UNC13A: variants seen among roughly 807,000 people sequenced by gnomAD.
The protein encoded by UNC13A is protein unc-13 homolog A.
Under a neutral mutation model 219.7 loss-of-function variants are expected in UNC13A, and 61 were observed. The ratio of observed to expected loss-of-function variants is 0.28; its 90% CI spans 0.23 to 0.34. The LOEUF is 0.34. UNC13A is among the 10% of genes least tolerant of loss of function. UNC13A has a pLI of 1.00. For synonymous variants in UNC13A, 920 were observed against 884.6 expected (o/e 1.04, Z -0.71); for missense variants, 1,476 against 2,270.3 (o/e 0.65, Z 7.11).
Position 17,639,428 on chromosome 19 carries a change from T to C in UNC13A, c.2946+8A>G, listed in dbSNP as rs775560185. On this transcript the variant is annotated splice_region_variant and intron_variant, in intron 24 of 43. Coordinates refer to ENST00000519716, the MANE Select transcript of UNC13A (RefSeq NM_001080421.3). ...TTGGAGAGCAAAGGCAACTGGATCC[T>C]TTCCTACCTTCATCCGAAAGAAGGT... 3.7e-6 allele frequency: 6 copies of C among 1,611,126 alleles called. No individual in the cohort carries two copies. The Admixed American group carries it at 1.0e-4, about 27-fold the overall frequency.
chr19:17,615,055 C>G (rs55681926), intron 41 of UNC13A, among the ~76,000 whole-genome samples: 1 of 152,076 alleles, frequency 6.6e-6, no homozygotes, highest in Non-Finnish European at 1.5e-5. Context: ...TCCAACCCCA[C>G]TCCCCACTCC....
At chr19:17,671,698 T>C (rs1031578838) in intron 4 of UNC13A, among the ~76,000 whole-genome samples, 5 of 151,914 alleles carry the variant, frequency 3.3e-5, no homozygotes, top group African/African-American at 1.2e-4. Flanking sequence ...CACTTGAGCC[T>C]GGGAAGTCGA....
chr19:17,609,444 C>G (rs1405837783), intron 43 of UNC13A, among the ~76,000 whole-genome samples: 1 of 152,080 alleles, frequency 6.6e-6, no homozygotes, highest in Non-Finnish European at 1.5e-5. Flanking sequence ...CTCCTGTCCC[C>G]AGAGCCGACT....
chr19:17,645,876 C>T (rs1207071910), intron 18 of UNC13A, 33 bp from the exon 19 acceptor site: 5 of 1,587,702 alleles, frequency 3.1e-6, no homozygotes, highest in Non-Finnish European at 4.3e-6. Flanking sequence ...AGGCAGGGGT[C>T]AGGCAGCCAG....
In UNC13A at chr19:17,630,677, G is replaced by A. The variant is rs765660923; in HGVS notation, c.3502C>T (p.Leu1168=). The A allele has an allele frequency of 3.1e-6, 5 of 1,613,758 alleles. No individual in the cohort carries two copies. Among genetic ancestry groups the A allele is most frequent in the Non-Finnish European group, 8.5e-7 (1 of 1,179,850 alleles). The change falls in exon 29 of 44, where the codon CTG becomes TTG. Residue 1168 remains leucine, a synonymous_variant. Coordinates refer to ENST00000519716, the MANE Select transcript of UNC13A (RefSeq NM_001080421.3). ...ACCCCATCCTTCTTGTCTCGCTCCA[G>A]GGCACCGTGCAGGAAATCCCGGGAC... The part of the protein sequence containing the change: ...EVSRDFLHGA[L]ERDKKDGFQQ...
intron 3 of UNC13A, 50 bp from the exon 4 acceptor site, chr19:17,672,545 G>T: frequency 2.7e-6 from 4 of 1,500,028 alleles, no homozygotes; most frequent in Non-Finnish European, 3.7e-6. Context: ...GAGGAAACGG[G>T]GGCCCAGGGA....
rs2076489096 is a variant in UNC13A at position 17,603,538 on chromosome 19, T to C, written c.*2516A>G. Reference sequence around the variant, plus strand: ...CCCAACCCTGTATGAGAATTTGCATTTTAACCTTTGGTTCAGAACCTCCAG... The same window carrying C: ...CCCAACCCTGTATGAGAATTTGCATCTTAACCTTTGGTTCAGAACCTCCAG... On this transcript the variant is annotated 3_prime_UTR_variant, in exon 44 of 44. Transcript: ENST00000519716. 1 of 152,254 alleles carries C rather than the reference T, an allele frequency of 6.6e-6. No homozygotes were observed. Among genetic ancestry groups the C allele is most frequent in the Admixed American group, 6.5e-5 (1 of 15,280 alleles). 9.4% of individuals were successfully genotyped at this position (152,254 alleles called of 1,614,324 possible). A position where few individuals can be genotyped will look rare whatever the true frequency, so the allele number is the denominator to read the frequency against.
chr19:17,687,301 TC>T (rs371072423), intron 1 of UNC13A, among the ~76,000 whole-genome samples: 209 of 147,692 alleles, frequency 1.4e-3, no homozygotes, highest in South Asian at 2.6e-3. Flanking sequence ...CCAAAATAGC[TC>T]CCCCCCCACC....
chr19:17,629,543 T>C (rs1382224228), intron 30 of UNC13A, among the ~76,000 whole-genome samples: 1 of 152,134 alleles, frequency 6.6e-6, no homozygotes, highest in Non-Finnish European at 1.5e-5. Flanking sequence ...CCCAGCTCTT[T>C]TTCAGAGCAA....
In UNC13A at chr19:17,604,500, C is replaced by G. The variant is rs1362583886; in HGVS notation, c.*1554G>C. ...CTCTAGTAAGTGGTTCCCTCTCATT[C>G]TTCACCTCGGAAAGCCTCCCCATCT... On this transcript the variant is annotated 3_prime_UTR_variant, in exon 44 of 44. Transcript: ENST00000519716. 6.6e-6 allele frequency: 1 copy of G among 152,318 alleles called. No homozygotes were observed. The highest frequency in any genetic ancestry group is 1.5e-5 in the Non-Finnish European group (1 of 68,122). 9.4% of individuals were successfully genotyped at this position (152,318 alleles called of 1,614,324 possible). A position where few individuals can be genotyped will look rare whatever the true frequency, so the allele number is the denominator to read the frequency against.
Position 17,641,399 on chromosome 19 carries a change from G to A in UNC13A, c.2630C>T (p.Ala877Val). The change falls in exon 21 of 44, where the codon GCC (alanine) becomes GTC (valine). Residue 877 changes from alanine (A) to valine (V), a missense_variant. By Grantham distance (64) the Ala-to-Val change is moderately conservative (BLOSUM62 0). Around this residue, in one of 14 missense-constraint regions of UNC13A, gnomAD observed 140 missense variants for 270.9 expected, o/e 0.52. Coordinates refer to ENST00000519716, the MANE Select transcript of UNC13A (RefSeq NM_001080421.3). Reference protein sequence around the residue: ...MRYGVESIYQAMTHFACLSSK... With the variant: ...MRYGVESIYQVMTHFACLSSK... ...CCCCAGCCTGCAGTCTCACGTCATG[G>A]CTTGGTAGATGGACTCGACGCCGTA... is the stretch of plus-strand genomic sequence containing the variant. 6.2e-7 allele frequency: 1 copy of A among 1,613,850 alleles called. No individual in the cohort carries two copies. Among genetic ancestry groups the A allele is most frequent in the Non-Finnish European group, 8.5e-7 (1 of 1,179,874 alleles).
At chr19:17,629,917 TAACCC>T (rs368864354) in intron 30 of UNC13A, among the ~76,000 whole-genome samples, 11 of 119,078 alleles carry the variant, frequency 9.2e-5, no homozygotes, top group African/African-American at 3.2e-4. Flanking sequence ...ATTTAAACCC[TAACCC>T]CAACTCCAAC....
At chr19:17,626,572 G>A in intron 34 of UNC13A, 61 bp downstream of exon 34, 1 of 1,454,846 alleles carries the variant, frequency 6.9e-7, no homozygotes, top group South Asian at 1.4e-5. Flanking sequence ...CCAGTCCCTG[G>A]GTCTCTATGG....
chr19:17,672,256 CAA>C (rs2079803260), intron 4 of UNC13A, 120 bp downstream of exon 4: 2 of 791,028 alleles, frequency 2.5e-6, no homozygotes, highest in Admixed American at 2.4e-5. Flanking sequence ...GTGGCAATCC[CAA>C]GTGTCTACAT....
intron 35 of UNC13A, 58 bp from the exon 36 acceptor site, chr19:17,623,605 C>G: frequency 1.0e-6 from 1 of 975,602 alleles, no homozygotes; most frequent in South Asian, 1.9e-5. Flanking sequence ...TACCATGAGT[C>G]TCCCGGGAAG....
rs1028141420 is a variant in UNC13A, at chr19:17,617,820, G to C, written c.4440C>G (p.Leu1480=). Reference sequence around the variant, plus strand: ...GGCTCTTCTCCAGGAAGGTCTTCTTGAGGCCCACGCCACCCGCGTGGAAAT... The same window carrying C: ...GGCTCTTCTCCAGGAAGGTCTTCTTCAGGCCCACGCCACCCGCGTGGAAAT... ...KQYFHAGGVG[L]KKTFLEKSPD... is the part of the protein sequence containing the mutation. The change falls in exon 41 of 44, where the codon CTC becomes CTG. Residue 1480 remains leucine, a synonymous_variant. Coordinates refer to ENST00000519716, the MANE Select transcript of UNC13A (RefSeq NM_001080421.3). 1.2e-6 allele frequency: 2 copies of C among 1,613,906 alleles called. No individual in the cohort carries two copies. The highest frequency in any genetic ancestry group is 3.3e-5 in the Admixed American group (2 of 60,026).
rs1401050066 is a variant in UNC13A at position 17,606,245 on chromosome 19, G to A, written c.4921C>T (p.Arg1641Cys). The A allele has an allele frequency of 1.9e-6, 3 of 1,547,764 alleles. No individual in the cohort carries two copies. The highest frequency in any genetic ancestry group is 2.6e-6 in the Non-Finnish European group (3 of 1,146,460). The change falls in exon 44 of 44, where the codon CGT (arginine) becomes TGT (cysteine). Residue 1641 changes from arginine (R) to cysteine (C), a missense_variant. Physicochemically the swap from Arg to Cys is radical, Grantham distance 180. Around this residue, in one of 14 missense-constraint regions of UNC13A, gnomAD observed 187 missense variants for 172.3 expected, o/e 1.09. Transcript: ENST00000519716. ...RTVGLAVLQLRELAQRGSAAC... is the reference protein window; with the variant it reads ...RTVGLAVLQLCELAQRGSAAC... ...GCGCTCCCGCGCTGGGCCAGCTCAC[G>A]CAGCTGCAGCACGGCCAGCCCCACC...
At chr19:17,620,837 C>G (rs542057088) in intron 37 of UNC13A, 115 bp from the exon 38 acceptor site, 62 of 1,239,530 alleles carry the variant, frequency 5.0e-5, no homozygotes, top group Non-Finnish European at 1.6e-5. Context: ...GAGCTCCTCC[C>G]CAGGTCCTGG....
chr19:17,618,102 G>A (rs2076687802), intron 40 of UNC13A, among the ~76,000 whole-genome samples: 1 of 151,796 alleles, frequency 6.6e-6, no homozygotes, highest in Non-Finnish European at 1.5e-5. Context: ...TACACCTCAA[G>A]AAATGCCTGG....
Sources: gnomAD v4.1 joint callset for allele counts (sites outside exome capture counted in the v4.1 genomes callset) on GRCh38, gnomAD v4.1.1 for gene constraint, gnomAD v4.1.1 regional missense constraint, MANE v1.5 for transcripts, NCBI Gene and HGNC (gene_info 2026-07-23, HGNC 2026-07-21) for gene names.